XRCC1: variants seen among roughly 807,000 people sequenced by gnomAD.
XRCC1 encodes X-ray repair cross complementing 1, also known as DNA repair protein XRCC1.
In XRCC1, 52 loss-of-function variants were observed where a neutral mutation model predicts 83.3. The observed-to-expected ratio is 0.62, with a 90% CI of 0.50 to 0.79. The LOEUF (loss-of-function observed/expected upper bound fraction) is 0.79. XRCC1 is among the 30% of genes least tolerant of loss of function. The pLI is 0.00. For synonymous variants in XRCC1, 281 were observed against 312.6 expected, an observed-to-expected ratio of 0.90 and a Z score of 1.07; for missense variants, 793 against 823.5, an observed-to-expected ratio of 0.96 and a Z score of 0.45.
intron 2 of XRCC1, among the ~76,000 whole-genome samples, chr19:43,566,231 ATCT>A (rs1972751152): frequency 6.8e-6 from 1 of 146,546 alleles, no homozygotes. Flanking sequence ...GTGAGACTCC[ATCT>A]AAAAAAAAAA....
chr19:43,553,349 C>A (rs967244038), intron 6 of XRCC1, 52 bp downstream of exon 6: 1 of 1,577,228 alleles, frequency 6.3e-7, no homozygotes, highest in African/African-American at 1.3e-5. Flanking sequence ...CTCAGACCCA[C>A]GAGTCTAGGT....
intron 3 of XRCC1, 147 bp downstream of exon 3, chr19:43,560,763 C>T (rs1024946935): frequency 7.4e-6 from 5 of 680,030 alleles, no homozygotes; most frequent in Middle Eastern, 2.6e-4. Context: ...CTGTCTCCTC[C>T]GTACACTGGG....
At position 43,567,157 on chromosome 19, in the gene XRCC1, T is replaced by C. The variant is rs3213288; in HGVS notation, c.145-6137A>G. ...AGATCAGTGGTTGCCAAGGGCAACA[T>C]TGGGGAGAGAATAAGAAGTGACTGT... On this transcript the variant is annotated intron_variant, in intron 2 of 16. Coordinates refer to ENST00000262887, the MANE Select transcript of XRCC1 (RefSeq NM_006297.3). Among the ~76,000 whole-genome samples, 356 of 152,118 alleles carry C rather than the reference T, an allele frequency of 2.3e-3. 1 individual carries two copies. The highest frequency in any genetic ancestry group is 3.7e-3 in the Non-Finnish European group (252 of 67,984).
intron 14 of XRCC1, among the ~76,000 whole-genome samples, chr19:43,544,842 C>A (rs2682556): frequency 6.7e-6 from 1 of 150,320 alleles, no homozygotes; most frequent in Non-Finnish European, 1.5e-5. Flanking sequence ...AGGCGGGGGT[C>A]GGGGGGGGTC....
chr19:43,553,642 G>C lies in XRCC1; in HGVS notation c.456C>G (p.Pro152=), dbSNP rs767529316. The change falls in exon 5 of 17, where the codon CCC becomes CCG. Residue 152 remains proline (P), a synonymous_variant. Coordinates refer to ENST00000262887, the MANE Select transcript of XRCC1 (RefSeq NM_006297.3). ...FGLSFVRFHS[P]PDKDEAEAPS... is the part of the protein sequence containing the mutation. ...GGGCCTCTGCCTCATCTTTGTCTGGGGGGCTATGAAACCGTACAAAACTCA... is the reference window on the plus strand; with the variant it reads ...GGGCCTCTGCCTCATCTTTGTCTGGCGGGCTATGAAACCGTACAAAACTCA... 76 of 1,574,132 alleles carry C rather than the reference G, an allele frequency of 4.8e-5. 2 individuals carry two copies. The South Asian group carries it at 8.1e-4, about 17-fold the overall frequency.
chr19:43,553,401 C>G lies in XRCC1; in HGVS notation c.601G>C (p.Val201Leu), dbSNP rs2146052232. 1 of 1,614,092 alleles carries G rather than the reference C, an allele frequency of 6.2e-7. No homozygotes were observed. Among genetic ancestry groups the G allele is most frequent in the Non-Finnish European group, 8.5e-7 (1 of 1,179,992 alleles). Residue 201 changes from valine to leucine, a missense_variant and splice_region_variant, in exon 6 of 17, where the codon GTC becomes CTC. Physicochemically the swap from Val to Leu is conservative, Grantham distance 32. Transcript: ENST00000262887. ...CAGGACCCACGTTGTCCGAGCTCAC[C>G]TGGGGATGTCTTGTTGATCCGGCTG... ...FFSRINKTSPVTASDPAGPSY... is the reference protein window; with the variant it reads ...FFSRINKTSPLTASDPAGPSY...
rs1213017476 is a variant in XRCC1 at position 43,572,124 on chromosome 19, T to A, written c.144+2786A>T. Among the ~76,000 whole-genome samples, 4 of 152,128 alleles carry A rather than the reference T, an allele frequency of 2.6e-5. No individual in the cohort carries two copies. The East Asian group carries it at 5.8e-4, about 22-fold the overall frequency. On this transcript the variant is annotated intron_variant, in intron 2 of 16. Transcript: ENST00000262887. ...GGTGACCGCTGCAATACTCCCTCAGTCTCTCCCAGGCCAGAGACAGGTTCT... is the reference window on the plus strand; with the variant it reads ...GGTGACCGCTGCAATACTCCCTCAGACTCTCCCAGGCCAGAGACAGGTTCT...
At chr19:43,556,324 G>A (rs1272962676) in intron 3 of XRCC1, among the ~76,000 whole-genome samples, 4 of 152,160 alleles carry the variant, frequency 2.6e-5, no homozygotes, top group Admixed American at 1.3e-4. Flanking sequence ...CAAAGGCAAC[G>A]CCCACACTAG....
intron 3 of XRCC1, among the ~76,000 whole-genome samples, chr19:43,560,387 G>A (rs1235694048): frequency 6.6e-6 from 1 of 150,398 alleles, no homozygotes; most frequent in Admixed American, 6.6e-5. Flanking sequence ...GCGACAGAGC[G>A]AGACTCCGTC....
chr19:43,545,921 G>GC lies in XRCC1; in HGVS notation c.1517dup (p.Gln507ProfsTer15), dbSNP rs1327983720. On this transcript the variant is annotated frameshift_variant, in exon 14 of 17. Transcript: ENST00000262887. LOFTEE classifies it high-confidence loss of function. ...ACGGGTCTTCCCCATTCTCCTCCTG[G>GC]CCAGGGGGCAGTCTGTGTTCCTTCT... 2.5e-6 allele frequency: 4 copies of GC among 1,613,896 alleles called. No individual in the cohort carries two copies. The highest frequency in any genetic ancestry group is 3.4e-6 in the Non-Finnish European group (4 of 1,179,898).
chr19:43,552,432 C>T (rs1226591545), intron 8 of XRCC1, among the ~76,000 whole-genome samples, 157 bp from the exon 9 acceptor site: 5 of 146,736 alleles, frequency 3.4e-5, no homozygotes, highest in African/African-American at 5.1e-5. Flanking sequence ...GGGTCCAGGC[C>T]CCCAGCCCCT....
intron 15 of XRCC1, 151 bp downstream of exon 15, chr19:43,543,993 C>T (rs879416160): frequency 1.4e-5 from 11 of 782,472 alleles, no homozygotes; most frequent in Middle Eastern, 3.8e-4. Flanking sequence ...AGCTAGCATT[C>T]GGATTCCATG....
chr19:43,567,458 C>T (rs1209518867), intron 2 of XRCC1, among the ~76,000 whole-genome samples: 6 of 152,020 alleles, frequency 3.9e-5, no homozygotes, highest in Middle Eastern at 3.2e-3. Flanking sequence ...ACTACAGGCA[C>T]GCACCACCAC....
At chr19:43,544,307 G>C in intron 14 of XRCC1, 73 bp from the exon 15 acceptor site, 1 of 1,338,800 alleles carries the variant, frequency 7.5e-7, no homozygotes, top group Non-Finnish European at 1.0e-6. Context: ...GAGTGACGAG[G>C]CTGACCCAGC....
intron 2 of XRCC1, among the ~76,000 whole-genome samples, chr19:43,570,071 G>A (rs1188246171): frequency 2.0e-5 from 3 of 152,182 alleles, no homozygotes; most frequent in Non-Finnish European, 2.9e-5. Context: ...AAGAGTCACT[G>A]AGCTGTACTC....
chr19:43,559,743 C>T (rs929204863), intron 3 of XRCC1, among the ~76,000 whole-genome samples: 8 of 151,994 alleles, frequency 5.3e-5, no homozygotes, highest in Admixed American at 1.3e-4. Flanking sequence ...GGGAGATGCC[C>T]CTGGATTATC....
At chr19:43,552,947 T>C (rs1157925099) in intron 7 of XRCC1, 35 bp downstream of exon 7, 2 of 1,609,830 alleles carry the variant, frequency 1.2e-6, no homozygotes, top group Non-Finnish European at 1.7e-6. Context: ...CCAGCTTCTC[T>C]CCTCCTCCAC....
Position 43,552,025 on chromosome 19 carries a change from C to G in XRCC1, c.1074G>C (p.Thr358=). Residue 358 remains threonine, a synonymous_variant, in exon 9 of 17, where the codon ACG becomes ACC. Coordinates refer to ENST00000262887, the MANE Select transcript of XRCC1 (RefSeq NM_006297.3). ...KYRPDWTRDS[T]HLICAFANTP... Reference sequence around the variant, plus strand: ...GGGGGGCGCAAGCCTACATGAGGTGCGTGCTGTCCCGGGTCCAGTCTGGCC... The same window carrying G: ...GGGGGGCGCAAGCCTACATGAGGTGGGTGCTGTCCCGGGTCCAGTCTGGCC... 6.2e-7 allele frequency: 1 copy of G among 1,613,950 alleles called. No individual in the cohort carries two copies. Among genetic ancestry groups the G allele is most frequent in the Non-Finnish European group, 8.5e-7 (1 of 1,179,884 alleles).
intron 10 of XRCC1, among the ~76,000 whole-genome samples, chr19:43,548,401 T>C (rs1972540194): frequency 2.0e-5 from 3 of 152,348 alleles, no homozygotes; most frequent in Admixed American, 6.5e-5. Context: ...GAAGTAGACA[T>C]GGGAGACTTC....
Sources: gnomAD v4.1 joint callset for allele counts (sites outside exome capture counted in the v4.1 genomes callset) on GRCh38, gnomAD v4.1.1 for gene constraint, MANE v1.5 for transcripts, NCBI Gene and HGNC (gene_info 2026-07-23, HGNC 2026-07-21) for gene names.